ATG5: variants seen among roughly 807,000 people sequenced by gnomAD.
ATG5 encodes autophagy related 5.
In ATG5, 14 loss-of-function variants were observed where a neutral mutation model predicts 36.5. That is an observed-to-expected ratio of 0.38 (90% CI 0.25 to 0.60). The LOEUF is 0.60. Among genes scored for constraint, ATG5 ranks in the 20% least tolerant of loss-of-function variants. The pLI, the probability that ATG5 is intolerant of heterozygous loss-of-function variation, is 0.60. For missense variants in ATG5, 195 were observed against 326.7 expected (o/e 0.60, Z 3.11); for synonymous variants, 95 against 101.5 (o/e 0.94, Z 0.38).
At chr6:106,309,434 G>A (rs1212289957) in intron 2 of ATG5, among the ~76,000 whole-genome samples, 2 of 152,074 alleles carry the variant, frequency 1.3e-5, no homozygotes, top group Non-Finnish European at 2.9e-5. Context: ...CAGAATACAG[G>A]GGTATGGGAG....
chr6:106,206,558 G>A (rs562953176), intron 6 of ATG5, among the ~76,000 whole-genome samples: 19 of 151,778 alleles, frequency 1.3e-4, no homozygotes, highest in African/African-American at 4.1e-4. Context: ...GCTGAGGCAG[G>A]AGAATCACTT....
chr6:106,245,863 C>T (rs1270846409), intron 6 of ATG5, among the ~76,000 whole-genome samples: 1 of 151,978 alleles, frequency 6.6e-6, no homozygotes, highest in Non-Finnish European at 1.5e-5. Context: ...CAGAATATCA[C>T]AACCATACAA....
chr6:106,213,392 G>A (rs1219651660), intron 6 of ATG5, among the ~76,000 whole-genome samples: 2 of 152,186 alleles, frequency 1.3e-5, no homozygotes, highest in Non-Finnish European at 2.9e-5. Context: ...CTAAGAGTTG[G>A]AAGCTATATC....
intron 3 of ATG5, among the ~76,000 whole-genome samples, chr6:106,294,462 C>T (rs1047406680): frequency 7.9e-5 from 12 of 151,240 alleles, no homozygotes; most frequent in African/African-American, 2.7e-4. Flanking sequence ...TTTATGCTTG[C>T]TTACTTGTAT....
chr6:106,230,897 G>A (rs1326021570), intron 6 of ATG5, among the ~76,000 whole-genome samples: 2 of 152,044 alleles, frequency 1.3e-5, no homozygotes, highest in East Asian at 1.9e-4. Context: ...AGTGTCATAC[G>A]TACAAACTTT....
At chr6:106,312,276 G>A (rs1030742375) in intron 2 of ATG5, among the ~76,000 whole-genome samples, 1 of 152,158 alleles carries the variant, frequency 6.6e-6, no homozygotes, top group African/African-American at 2.4e-5. Context: ...CAAACGATGA[G>A]TCCCAGGTTT....
intron 6 of ATG5, among the ~76,000 whole-genome samples, chr6:106,203,213 T>C (rs1776504771): frequency 6.6e-6 from 1 of 152,230 alleles, no homozygotes; most frequent in African/African-American, 2.4e-5. Context: ...TCGTAATTTA[T>C]TGCTAATAAT....
chr6:106,269,523 C>T (rs946117271), intron 5 of ATG5, among the ~76,000 whole-genome samples: 1 of 152,228 alleles, frequency 6.6e-6, no homozygotes, highest in Non-Finnish European at 1.5e-5. Context: ...TCAGGCATGG[C>T]GGGCTGCAGG....
At chr6:106,187,151 A>G (rs1037865325) in intron 7 of ATG5, among the ~76,000 whole-genome samples, 2 of 152,228 alleles carry the variant, frequency 1.3e-5, no homozygotes, top group Non-Finnish European at 2.9e-5. Context: ...AGTAAGACAC[A>G]GGTGAGCTTT....
At chr6:106,270,632 T>C (rs558850109) in intron 5 of ATG5, among the ~76,000 whole-genome samples, 2 of 152,350 alleles carry the variant, frequency 1.3e-5, no homozygotes, top group African/African-American at 2.4e-5. Context: ...TAGTCTATTA[T>C]GCATTCTCCA....
At chr6:106,277,952 AT>A (rs911874488) in intron 5 of ATG5, among the ~76,000 whole-genome samples, 4 of 151,326 alleles carry the variant, frequency 2.6e-5, no homozygotes, top group Non-Finnish European at 4.4e-5. Context: ...TTTATTAATT[AT>A]TTTTTTTTAG....
At chr6:106,276,722 T>C (rs1282753418) in intron 5 of ATG5, among the ~76,000 whole-genome samples, 1 of 152,230 alleles carries the variant, frequency 6.6e-6, no homozygotes, top group African/African-American at 2.4e-5. Flanking sequence ...AATTAAATTA[T>C]TAACTTCAAT....
intron 7 of ATG5, among the ~76,000 whole-genome samples, chr6:106,189,893 T>C (rs1293972851): frequency 2.0e-5 from 3 of 152,108 alleles, no homozygotes; most frequent in Admixed American, 2.0e-4. Context: ...GGCAAACATA[T>C]GAGAAAAATC....
intron 3 of ATG5, among the ~76,000 whole-genome samples, chr6:106,298,014 G>A (rs911053431): frequency 8.0e-5 from 12 of 150,680 alleles, no homozygotes; most frequent in Non-Finnish European, 1.3e-4. Context: ...GCCCAGGATG[G>A]AATGCAGTTG....
chr6:106,211,092 A>C (rs1776834648), intron 6 of ATG5, among the ~76,000 whole-genome samples: 1 of 152,226 alleles, frequency 6.6e-6, no homozygotes, highest in South Asian at 2.1e-4. Flanking sequence ...TGGTTTATTA[A>C]AAATGACCAT....
At chr6:106,210,566 T>G (rs756421845) in intron 6 of ATG5, among the ~76,000 whole-genome samples, 2 of 152,224 alleles carry the variant, frequency 1.3e-5, no homozygotes, top group Non-Finnish European at 2.9e-5. Flanking sequence ...AAATAATTTA[T>G]GGCCTGGTAC....
intron 3 of ATG5, among the ~76,000 whole-genome samples, chr6:106,298,546 A>T (rs1042422183): frequency 2.0e-5 from 3 of 150,342 alleles, no homozygotes; most frequent in African/African-American, 7.3e-5. Context: ...GGGAGACTCC[A>T]TCTCCATAAA....
At chr6:106,192,435 T>C (rs1455375238) in intron 7 of ATG5, among the ~76,000 whole-genome samples, 2 of 152,164 alleles carry the variant, frequency 1.3e-5, no homozygotes, top group African/African-American at 4.8e-5. Context: ...AGGAATATGA[T>C]CTATAAATGT....
At chr6:106,216,600 C>A (rs1018056906) in intron 6 of ATG5, among the ~76,000 whole-genome samples, 1 of 152,130 alleles carries the variant, frequency 6.6e-6, no homozygotes, top group African/African-American at 2.4e-5. Context: ...TAAGTGACTG[C>A]CAATGGGCAT....
Sources: gnomAD v4.1 joint callset for allele counts (sites outside exome capture counted in the v4.1 genomes callset) on GRCh38, gnomAD v4.1.1 for gene constraint, MANE v1.5 for transcripts, NCBI Gene and HGNC (gene_info 2026-07-23, HGNC 2026-07-21) for gene names.